The following NKAIN2 variants were observed in gnomAD, a reference collection of about 807,000 sequenced individuals.
NKAIN2 encodes the protein sodium/potassium transporting ATPase interacting 2.
Under a neutral mutation model 32.6 loss-of-function variants are expected in NKAIN2, and 14 were observed. That is an observed-to-expected ratio of 0.43 (90% confidence interval 0.28 to 0.67). The LOEUF is 0.67. NKAIN2 is among the 30% of genes least tolerant of loss of function. The pLI, the probability that NKAIN2 is intolerant of heterozygous loss-of-function variation, is 0.17. For synonymous variants in NKAIN2, 80 were observed against 87.2 expected, an observed-to-expected ratio of 0.92 and a Z score of 0.46; for missense variants, 198 against 258.3, an observed-to-expected ratio of 0.77 and a Z score of 1.60.
intron 1 of NKAIN2, among the ~76,000 whole-genome samples, chr6:124,029,549 T>A (rs988505201): frequency 6.6e-6 from 1 of 152,184 alleles, no homozygotes; most frequent in African/African-American, 2.4e-5. Context: ...ACCTACTGTG[T>A]GCCAGCCTTT....
At chr6:123,817,120 G>C (rs1341736236) in intron 1 of NKAIN2, among the ~76,000 whole-genome samples, 1 of 152,042 alleles carries the variant, frequency 6.6e-6, no homozygotes, top group Admixed American at 6.6e-5. Context: ...TGGATGGTGG[G>C]GGATGATTTT....
intron 5 of NKAIN2, among the ~76,000 whole-genome samples, chr6:124,812,472 A>G (rs1411125177): frequency 6.6e-6 from 1 of 152,182 alleles, no homozygotes; most frequent in Non-Finnish European, 1.5e-5. Context: ...AATCTCATGT[A>G]GCTTGTATTA....
At chr6:124,817,475 C>G (rs1229952100) in intron 5 of NKAIN2, among the ~76,000 whole-genome samples, 2 of 152,078 alleles carry the variant, frequency 1.3e-5, no homozygotes, top group Non-Finnish European at 1.5e-5. Context: ...TCCATGCGGG[C>G]TAGCTTGGGC....
rs142136792 is a variant in NKAIN2 at position 124,319,614 on chromosome 6, T to C, written c.193-35653T>C. On this transcript the variant is annotated intron_variant, in intron 2 of 6. Coordinates refer to ENST00000368417, the MANE Select transcript of NKAIN2 (RefSeq NM_001040214.3). ...TCTGCTCTTTTTGAATCTCAGGTAC[T>C]TTTATTTGCTTTTCATGACCTCCAG... Among the ~76,000 whole-genome samples the C allele has an allele frequency of 3.5e-3, 540 of 152,254 alleles. 6 individuals are homozygous for C. The highest frequency in any genetic ancestry group is 0.013 in the African/African-American group (520 of 41,564).
intron 3 of NKAIN2, among the ~76,000 whole-genome samples, chr6:124,523,608 A>C (rs1779204954): frequency 6.6e-6 from 1 of 152,156 alleles, no homozygotes. Context: ...AAAATTAAAA[A>C]CTTTAATAAA....
At chr6:124,807,970 T>A (rs143573770) in intron 5 of NKAIN2, among the ~76,000 whole-genome samples, 17 of 141,770 alleles carry the variant, frequency 1.2e-4, no homozygotes, top group African/African-American at 3.5e-4. Context: ...AATAACAGGA[T>A]CTGAAATTGT....
chr6:123,910,499 G>GTTTTTTTTTTTTGTTTTTTTTTTTTTTTT (rs1775118616), intron 1 of NKAIN2, among the ~76,000 whole-genome samples: 3 of 81,318 alleles, frequency 3.7e-5, no homozygotes, highest in African/African-American at 1.5e-4. Flanking sequence ...TGCAATGCAT[G>GTTTTTTTTTTTTGTTTTTTTTTTTTTTTT]TTTTTTTTTT....
intron 1 of NKAIN2, among the ~76,000 whole-genome samples, chr6:124,013,075 ATAAC>A: frequency 6.6e-6 from 1 of 152,130 alleles, no homozygotes; most frequent in Non-Finnish European, 1.5e-5. Context: ...CATTTCCTTA[ATAAC>A]TAACGATGAT....
chr6:124,560,556 A>C (rs1341387291), intron 3 of NKAIN2, among the ~76,000 whole-genome samples: 1 of 152,360 alleles, frequency 6.6e-6, no homozygotes, highest in Admixed American at 6.5e-5. Flanking sequence ...TAGCCCTAGT[A>C]AAGTTATTTA....
At chr6:124,702,843 C>T (rs533705918) in intron 4 of NKAIN2, among the ~76,000 whole-genome samples, 18 of 151,966 alleles carry the variant, frequency 1.2e-4, no homozygotes, top group Non-Finnish European at 2.1e-4. Context: ...GAAACTACAG[C>T]GACATTATTT....
At chr6:124,210,144 T>G in intron 1 of NKAIN2, among the ~76,000 whole-genome samples, 1 of 151,900 alleles carries the variant, frequency 6.6e-6, no homozygotes, top group East Asian at 1.9e-4. Context: ...GAGATAGAGA[T>G]CTAGTTTCAT....
intron 4 of NKAIN2, among the ~76,000 whole-genome samples, chr6:124,766,093 AT>A (rs1290998024): frequency 3.9e-5 from 6 of 152,194 alleles, no homozygotes; most frequent in African/African-American, 1.4e-4. Context: ...AACTAAGGTA[AT>A]GGATCTTTAT....
In NKAIN2 at chr6:124,237,596, T is replaced by C. The variant is rs183854072; in HGVS notation, c.55-45409T>C. Among the ~76,000 whole-genome samples, 7 of 152,248 alleles carry C rather than the reference T, an allele frequency of 4.6e-5. No individual in the cohort carries two copies. In the East Asian group the frequency reaches 1.4e-3, roughly 29 times the overall value. On this transcript the variant is annotated intron_variant, in intron 1 of 6. Coordinates refer to ENST00000368417, the MANE Select transcript of NKAIN2 (RefSeq NM_001040214.3). ...GTGAATGATTTGTGTATTTGTGTGT[T>C]GGTATGTGTATGTATTTTAAGAACA...
Position 124,824,122 on chromosome 6 carries a change from A to G in NKAIN2, c.*893A>G, listed in dbSNP as rs1320981098. ...ATTAATCTACTAAACTCACTAATCTACTGGAAGCAGAAAGCAGAAATGGCT... is the reference window on the plus strand; with the variant it reads ...ATTAATCTACTAAACTCACTAATCTGCTGGAAGCAGAAAGCAGAAATGGCT... On this transcript the variant is annotated 3_prime_UTR_variant, in exon 7 of 7. Coordinates refer to ENST00000368417, the MANE Select transcript of NKAIN2 (RefSeq NM_001040214.3). The G allele has an allele frequency of 6.6e-6, 1 of 152,412 alleles. No homozygotes were observed. The highest frequency in any genetic ancestry group is 1.5e-5 in the Non-Finnish European group (1 of 68,036). 9.4% of individuals were successfully genotyped at this position (152,412 alleles called of 1,614,324 possible).
chr6:123,959,646 G>A (rs1393636236), intron 1 of NKAIN2, among the ~76,000 whole-genome samples: 1 of 152,074 alleles, frequency 6.6e-6, no homozygotes, highest in Admixed American at 6.6e-5. Flanking sequence ...ATCATGCATA[G>A]AGCAGAAATA....
chr6:123,819,846 A>C (rs904124190), intron 1 of NKAIN2, among the ~76,000 whole-genome samples: 2 of 152,240 alleles, frequency 1.3e-5, no homozygotes, highest in Non-Finnish European at 2.9e-5. Context: ...CAGATTTATG[A>C]GAAAGAGTTT....
At chr6:124,099,122 T>G (rs1454386831) in intron 1 of NKAIN2, among the ~76,000 whole-genome samples, 1 of 152,158 alleles carries the variant, frequency 6.6e-6, no homozygotes, top group Admixed American at 6.5e-5. Flanking sequence ...AAATATGCTA[T>G]GTTGAAGAAA....
intron 3 of NKAIN2, among the ~76,000 whole-genome samples, chr6:124,606,347 CAG>C (rs1782498350): frequency 6.6e-6 from 1 of 151,808 alleles, no homozygotes; most frequent in African/African-American, 2.4e-5. Flanking sequence ...TGTCTTTTTA[CAG>C]AGAGAAAGAG....
intron 1 of NKAIN2, among the ~76,000 whole-genome samples, chr6:124,053,143 T>C (rs1228126449): frequency 6.6e-6 from 1 of 152,052 alleles, no homozygotes; most frequent in Non-Finnish European, 1.5e-5. Flanking sequence ...GATTGTTACA[T>C]AGGCAAACTT....
Sources: gnomAD v4.1 joint callset for allele counts (sites outside exome capture counted in the v4.1 genomes callset) on GRCh38, gnomAD v4.1.1 for gene constraint, MANE v1.5 for transcripts, NCBI Gene and HGNC (gene_info 2026-07-23, HGNC 2026-07-21) for gene names.